DDX43: variants seen among roughly 807,000 people sequenced by gnomAD.
The protein encoded by DDX43 is DEAD-box helicase 43, also known as probable ATP-dependent RNA helicase DDX43.
In DDX43, 50 loss-of-function variants were observed where a neutral mutation model predicts 84.9. That is an observed-to-expected ratio of 0.59 (90% CI 0.47 to 0.75). DDX43 has a LOEUF of 0.75. DDX43 is among the 30% of genes least tolerant of loss of function. The probability of loss-of-function intolerance (pLI) is 0.00; values close to 1 mark genes in which losing one functional copy is unlikely to be tolerated. For missense variants in DDX43, 689 were observed against 798.6 expected, an observed-to-expected ratio of 0.86 and a Z score of 1.65; for synonymous variants, 291 against 266.3, an observed-to-expected ratio of 1.09 and a Z score of -0.90.
In DDX43 at chr6:73,416,098, G is replaced by A. The variant is rs377117259; in HGVS notation, c.1834-15G>A. On this transcript the variant is annotated splice_polypyrimidine_tract_variant and intron_variant, in intron 15 of 16. Transcript: ENST00000370336. ...GAACTCAGAATCCTAATAACAACACGTTGAATAATTTCAGAGTATTCCAGA... is the reference window on the plus strand; with the variant it reads ...GAACTCAGAATCCTAATAACAACACATTGAATAATTTCAGAGTATTCCAGA... 44 of 1,316,102 alleles carry A rather than the reference G, an allele frequency of 3.3e-5. No individual in the cohort carries two copies. The highest frequency in any genetic ancestry group is 4.4e-5 in the Non-Finnish European group (40 of 910,504). 81.5% of individuals were successfully genotyped at this position (1,316,102 alleles called of 1,614,324 possible). A position where few individuals can be genotyped will look rare whatever the true frequency, so the allele number is the denominator to read the frequency against.
chr6:73,415,304 TA>T (rs1264458640), intron 14 of DDX43, among the ~76,000 whole-genome samples, 192 bp from the exon 15 acceptor site: 1 of 151,104 alleles, frequency 6.6e-6, no homozygotes, highest in Non-Finnish European at 1.5e-5. Context: ...TCTCAAAAAA[TA>T]AATAAATAAA....
chr6:73,408,853 G>A (rs1406323994), intron 9 of DDX43, among the ~76,000 whole-genome samples: 1 of 152,148 alleles, frequency 6.6e-6, no homozygotes, highest in Non-Finnish European at 1.5e-5. Flanking sequence ...AACACGCCAG[G>A]CTATGGCTGT....
chr6:73,399,528 A>G (rs1162135610), intron 2 of DDX43, among the ~76,000 whole-genome samples: 1 of 152,144 alleles, frequency 6.6e-6, no homozygotes, highest in Non-Finnish European at 1.5e-5. Flanking sequence ...GCATCCCATA[A>G]TGGCCTCGTT....
intron 11 of DDX43, among the ~76,000 whole-genome samples, chr6:73,412,690 T>TGCGCGC (rs1223544745): frequency 8.8e-6 from 1 of 114,076 alleles, no homozygotes; most frequent in African/African-American, 3.2e-5. Flanking sequence ...TGTGTGTGTG[T>TGCGCGC]GCGCGTGCGT....
chr6:73,416,517 A>G (rs186459038), intron 16 of DDX43, among the ~76,000 whole-genome samples: 307 of 152,354 alleles, frequency 2.0e-3, no homozygotes, highest in African/African-American at 7.1e-3. Flanking sequence ...GATAAACACA[A>G]TGGAATATCA....
intron 1 of DDX43, among the ~76,000 whole-genome samples, chr6:73,396,246 T>G (rs1251504189): frequency 6.6e-6 from 1 of 152,202 alleles, no homozygotes; most frequent in East Asian, 1.9e-4. Flanking sequence ...GCCCGGCCCA[T>G]TTCTGAATTT....
rs186215770 is a variant in DDX43 at position 73,411,843 on chromosome 6, G to A, written c.1281-362G>A. Among the ~76,000 whole-genome samples the A allele has an allele frequency of 7.4e-4, 113 of 152,106 alleles. 1 individual carries two copies. In the East Asian group the frequency reaches 0.014, roughly 19 times the overall value. ...CTCCGGAGTAGCTGGGATTACAGGC[G>A]TCCGCTAACACACCCAGCTGATTTT... is the stretch of plus-strand genomic sequence containing the variant. On this transcript the variant is annotated intron_variant, in intron 10 of 16. Transcript: ENST00000370336.
intron 1 of DDX43, among the ~76,000 whole-genome samples, chr6:73,396,421 A>G (rs1769473631): frequency 6.6e-6 from 1 of 152,282 alleles, no homozygotes; most frequent in Non-Finnish European, 1.5e-5. Context: ...TGTAAGACTA[A>G]TTGCTGTACT....
Position 73,407,515 on chromosome 6 carries a change from C to A in DDX43, c.937C>A (p.Gln313Lys). ...HLVLQPSLKG[Q>K]RNRPGMLVLT... is the part of the protein sequence containing the mutation. ...GTTTTCTCTCCAAAGCCTTAAAGGT[C>A]AAAGGAATAGACCCGGCATGTTAGT... Residue 313 changes from glutamine to lysine, a missense_variant, in exon 8 of 17, where the codon CAA (glutamine) becomes AAA (lysine). Gln to Lys is a moderately conservative substitution (Grantham distance 53). Transcript: ENST00000370336. 6.2e-7 allele frequency: 1 copy of A among 1,610,504 alleles called. No homozygotes were observed. The highest frequency in any genetic ancestry group is 1.1e-5 in the South Asian group (1 of 90,842).
intron 2 of DDX43, chr6:73,398,000 C>T (rs892767825): frequency 5.4e-5 from 15 of 277,576 alleles, no homozygotes; most frequent in African/African-American, 2.2e-4. Context: ...TTAGTAGAGA[C>T]GGGGTTTTAC....
rs1416700835 is a variant in DDX43, at chr6:73,412,275, G to A, written c.1351G>A (p.Gly451Ser). The change falls in exon 11 of 17, where the codon GGT becomes AGT. Residue 451 changes from glycine to serine, a missense_variant. Physicochemically the swap from Gly to Ser is moderately conservative, Grantham distance 56. Coordinates refer to ENST00000370336, the MANE Select transcript of DDX43 (RefSeq NM_018665.3). ...GAAAGAACCAATGATTGTCTATGTT[G>A]GTACATTGGATCTAGTTGTAAGCTT... ...YLKEPMIVYV[G>S]TLDLVAVSSV... The A allele has an allele frequency of 1.2e-6, 2 of 1,611,388 alleles. No individual in the cohort carries two copies. Among genetic ancestry groups the A allele is most frequent in the Middle Eastern group, 1.6e-4 (1 of 6,062 alleles).
rs537654287 is a variant in DDX43, at chr6:73,406,207, A to G, written c.808-157A>G. Among the ~76,000 whole-genome samples, 6 of 57,000 alleles carry G rather than the reference A, an allele frequency of 1.1e-4. No homozygotes were observed. In the East Asian group the frequency reaches 3.5e-3, roughly 33 times the overall value. 37.4% of individuals were successfully genotyped at this position (57,000 alleles called of 152,430 possible). ...CCCAGCTAATTTTTGTATTTTTAGTAGAGACGGTTTCTCTATGTTGGTCAG... is the reference window on the plus strand; with the variant it reads ...CCCAGCTAATTTTTGTATTTTTAGTGGAGACGGTTTCTCTATGTTGGTCAG... On this transcript the variant is annotated intron_variant, in intron 6 of 16. Transcript: ENST00000370336.
intron 6 of DDX43, 74 bp downstream of exon 6, chr6:73,405,909 C>T: frequency 7.3e-7 from 1 of 1,365,996 alleles, no homozygotes; most frequent in East Asian, 2.4e-5. Flanking sequence ...TGTTAGAAGA[C>T]TCCAGGGAGC....
At chr6:73,400,604 CT>C (rs960410668) in intron 3 of DDX43, among the ~76,000 whole-genome samples, 2 of 152,076 alleles carry the variant, frequency 1.3e-5, no homozygotes, top group African/African-American at 4.8e-5. Flanking sequence ...TGAAATAACC[CT>C]TTATTTTTAT....
chr6:73,409,734 A>G (rs1444825866), intron 10 of DDX43, among the ~76,000 whole-genome samples: 1 of 152,252 alleles, frequency 6.6e-6, no homozygotes, highest in Non-Finnish European at 1.5e-5. Flanking sequence ...CTTTATTAGT[A>G]TAAATAACAA....
chr6:73,407,566 C>T lies in DDX43; in HGVS notation c.988C>T (p.Leu330Phe), dbSNP rs537772558. 1.9e-6 allele frequency: 3 copies of T among 1,614,052 alleles called. No homozygotes were observed. Among genetic ancestry groups the T allele is most frequent in the Admixed American group, 1.7e-5 (1 of 60,018 alleles). The change falls in exon 8 of 17, where the codon CTT (leucine) becomes TTT (phenylalanine). Residue 330 changes from leucine to phenylalanine, a missense_variant. Around this residue, in one of 2 missense-constraint regions of DDX43, gnomAD observed 552 missense variants for 692.7 expected, o/e 0.80. Coordinates refer to ENST00000370336, the MANE Select transcript of DDX43 (RefSeq NM_018665.3). Reference sequence around the variant, plus strand: ...TCTAACTCCCACTCGGGAATTAGCACTTCAAGTAGAAGGAGAATGTTGCAA... The same window carrying T: ...TCTAACTCCCACTCGGGAATTAGCATTTCAAGTAGAAGGAGAATGTTGCAA... ...LVLTPTRELALQVEGECCKYS... is the reference protein window; with the variant it reads ...LVLTPTRELAFQVEGECCKYS...
chr6:73,397,754 C>T lies in DDX43; in HGVS notation c.306+10C>T. On this transcript the variant is annotated intron_variant, in intron 2 of 16. Coordinates refer to ENST00000370336, the MANE Select transcript of DDX43 (RefSeq NM_018665.3). ...AAACACCACAATCCAAGTAAGCCAT[C>T]TGTGTTTTTCGGCCCTTAAGAGAGC... The T allele has an allele frequency of 6.2e-7, 1 of 1,613,118 alleles. No individual in the cohort carries two copies.
chr6:73,416,064 T>C, intron 15 of DDX43, 49 bp from the exon 16 acceptor site: 1 of 967,798 alleles, frequency 1.0e-6, no homozygotes, highest in Non-Finnish European at 1.7e-6. Context: ...ATTTTAGTGT[T>C]GTAGAAAAGA....
At chr6:73,404,193 G>A (rs1323752065) in intron 4 of DDX43, among the ~76,000 whole-genome samples, 2 of 152,074 alleles carry the variant, frequency 1.3e-5, no homozygotes, top group Admixed American at 6.5e-5. Context: ...TTGGCTCACT[G>A]CAACCTCTGC....
Sources: gnomAD v4.1 joint callset for allele counts (sites outside exome capture counted in the v4.1 genomes callset) on GRCh38, gnomAD v4.1.1 for gene constraint, gnomAD v4.1.1 regional missense constraint, MANE v1.5 for transcripts, NCBI Gene and HGNC (gene_info 2026-07-23, HGNC 2026-07-21) for gene names.